Variants in ASPH observed in about 807,000 individuals in gnomAD.
ASPH encodes aspartyl/asparaginyl beta-hydroxylase.
In ASPH, 100 loss-of-function variants were observed where a neutral mutation model predicts 118.4. The ratio of observed to expected loss-of-function variants is 0.84; its 90% CI spans 0.72 to 1.00. The LOEUF is 1.00. ASPH is among the 50% of genes least tolerant of loss of function. The probability of loss-of-function intolerance (pLI) is 0.00; values close to 1 mark genes in which losing one functional copy is unlikely to be tolerated. For synonymous variants in ASPH, 315 were observed against 325.6 expected, an observed-to-expected ratio of 0.97 and a Z score of 0.35; for missense variants, 920 against 919.5, an observed-to-expected ratio of 1.00 and a Z score of -0.01.
chr8:61,603,962 A>G (rs547714286), intron 14 of ASPH, among the ~76,000 whole-genome samples: 1 of 152,386 alleles, frequency 6.6e-6, no homozygotes, highest in East Asian at 1.9e-4. Flanking sequence ...ATGGGAAAGT[A>G]TGTACATATA....
rs1826562887 is a variant in ASPH at position 61,553,026 on chromosome 8, A to G, written c.1626+5T>C. The G allele has an allele frequency of 4.4e-6, 7 of 1,602,732 alleles. No homozygotes were observed. The highest frequency in any genetic ancestry group is 6.0e-6 in the Non-Finnish European group (7 of 1,169,976). ...GAGAGAATCAGAAATTCATATACCC[A>G]TTACCTCTTTGTTCCCAACCCTCTG... On this transcript the variant is annotated splice_donor_5th_base_variant and intron_variant, in intron 20 of 24. Transcript: ENST00000379454.
At chr8:61,568,398 C>T (rs1038595746) in intron 16 of ASPH, among the ~76,000 whole-genome samples, 1 of 152,072 alleles carries the variant, frequency 6.6e-6, no homozygotes, top group Non-Finnish European at 1.5e-5. Context: ...AGAGAAAAAC[C>T]ATGAATGAAC....
At chr8:61,584,113 A>T in intron 14 of ASPH, 84 bp from the exon 15 acceptor site, 1 of 849,852 alleles carries the variant, frequency 1.2e-6, no homozygotes, top group African/African-American at 1.7e-5. Flanking sequence ...GTAGTGGGAA[A>T]CCTGATGCTG....
At chr8:61,519,758 G>A (rs1812283242) in intron 22 of ASPH, among the ~76,000 whole-genome samples, 1 of 152,158 alleles carries the variant, frequency 6.6e-6, no homozygotes. Context: ...AAGATGGAAG[G>A]GGGCCACAAG....
At chr8:61,568,700 A>C (rs1392005801) in intron 16 of ASPH, among the ~76,000 whole-genome samples, 2 of 152,318 alleles carry the variant, frequency 1.3e-5, no homozygotes, top group East Asian at 3.9e-4. Flanking sequence ...GACAGAGAAA[A>C]GAAGCGGTCC....
At chr8:61,554,678 A>T (rs1346928865) in intron 19 of ASPH, among the ~76,000 whole-genome samples, 5 of 152,150 alleles carry the variant, frequency 3.3e-5, no homozygotes, top group African/African-American at 9.7e-5. Context: ...CACAGTAGAA[A>T]ATTCTTTTTT....
At chr8:61,710,098 T>C (rs576662115) in intron 1 of ASPH, among the ~76,000 whole-genome samples, 1 of 152,350 alleles carries the variant, frequency 6.6e-6, no homozygotes, top group South Asian at 2.1e-4. Flanking sequence ...AGACGTACTT[T>C]AACGGAAACA....
At position 61,518,134 on chromosome 8, in the gene ASPH, T is replaced by TGTTGGAAATTTCC; in HGVS notation, c.1901-12_1901-11insGGAAATTTCCAAC. 1 of 1,607,192 alleles carries TGTTGGAAATTTCC rather than the reference T, an allele frequency of 6.2e-7. No individual in the cohort carries two copies. Among genetic ancestry groups the TGTTGGAAATTTCC allele is most frequent in the South Asian group, 1.1e-5 (1 of 90,904 alleles). ...TTTCATTTCTTCTTCCTAGAATAAATAACATAATTGTTGGAAACAAATCAC... is the reference window on the plus strand; with the variant it reads ...TTTCATTTCTTCTTCCTAGAATAAATGTTGGAAATTTCCAACATAATTGTTGGAAACAAATCAC... On this transcript the variant is annotated splice_polypyrimidine_tract_variant and intron_variant, in intron 22 of 24. Coordinates refer to ENST00000379454, the MANE Select transcript of ASPH (RefSeq NM_004318.4).
intron 15 of ASPH, among the ~76,000 whole-genome samples, chr8:61,582,681 T>C (rs1318631094): frequency 1.3e-5 from 2 of 152,232 alleles, no homozygotes; most frequent in African/African-American, 4.8e-5. Flanking sequence ...TTTATGCTCA[T>C]TGGTACACTT....
intron 1 of ASPH, among the ~76,000 whole-genome samples, chr8:61,693,361 G>A (rs763788228): frequency 1.3e-5 from 2 of 152,116 alleles, no homozygotes; most frequent in African/African-American, 2.4e-5. Flanking sequence ...CCGTAACCCT[G>A]CTAAGAAGGC....
At chr8:61,628,535 T>C (rs972892268) in intron 13 of ASPH, among the ~76,000 whole-genome samples, 18 of 152,018 alleles carry the variant, frequency 1.2e-4, no homozygotes, top group Admixed American at 8.5e-4. Context: ...ATTTCCCCTG[T>C]CCTCTTTCAC....
intron 3 of ASPH, chr8:61,664,961 A>G (rs1818793834): frequency 8.8e-7 from 1 of 1,137,270 alleles, no homozygotes; most frequent in Admixed American, 4.7e-5. Context: ...AAAGTATTCA[A>G]TATATTAATC....
At chr8:61,626,250 G>A in intron 13 of ASPH, 2 of 1,556,934 alleles carry the variant, frequency 1.3e-6, no homozygotes, top group Middle Eastern at 1.7e-4. Context: ...TCCTGTGGTG[G>A]TAGGGGCAGT....
chr8:61,596,089 C>T (rs1243537114), intron 14 of ASPH, among the ~76,000 whole-genome samples: 2 of 152,114 alleles, frequency 1.3e-5, no homozygotes, highest in Non-Finnish European at 2.9e-5. Flanking sequence ...CCTGGTACCA[C>T]TCCTGCTACT....
intron 16 of ASPH, among the ~76,000 whole-genome samples, chr8:61,573,695 C>A (rs1243437890): frequency 6.6e-6 from 1 of 151,826 alleles, no homozygotes; most frequent in Non-Finnish European, 1.5e-5. Context: ...TTTCCTTATA[C>A]CTTATACAAA....
rs747298771 is a variant in ASPH, at chr8:61,526,074, G to A, written c.1803C>T (p.Gly601=). The part of the protein sequence containing the change: ...ERNWKLIRDE[G]LAVMDKAKGL... ...CTTTGGCTTTATCCATCACTGCAAG[G>A]CCTTCATCTCGGATTAACTTCCAGT... is the stretch of plus-strand genomic sequence containing the variant. The change falls in exon 22 of 25, where the codon GGC becomes GGT. Residue 601 remains glycine (G), a synonymous_variant. Coordinates refer to ENST00000379454, the MANE Select transcript of ASPH (RefSeq NM_004318.4). 22 of 1,613,884 alleles carry A rather than the reference G, an allele frequency of 1.4e-5. No homozygotes were observed. The highest frequency in any genetic ancestry group is 8.5e-7 in the Non-Finnish European group (1 of 1,179,928).
At chr8:61,713,676 G>A (rs1838633019) in intron 1 of ASPH, among the ~76,000 whole-genome samples, 1 of 152,282 alleles carries the variant, frequency 6.6e-6, no homozygotes, top group East Asian at 1.9e-4. Context: ...ACAGACGCTC[G>A]TTCAGTATTT....
chr8:61,550,626 T>C (rs1332826143), intron 20 of ASPH, among the ~76,000 whole-genome samples: 6 of 152,180 alleles, frequency 3.9e-5, no homozygotes, highest in Non-Finnish European at 8.8e-5. Flanking sequence ...CAGTGAGGCC[T>C]GAGAGACACA....
intron 21 of ASPH, among the ~76,000 whole-genome samples, chr8:61,539,043 A>G (rs918137884): frequency 6.6e-6 from 1 of 152,084 alleles, no homozygotes; most frequent in African/African-American, 2.4e-5. Context: ...GGAGTTTGAG[A>G]CCAGCTTGGC....
Sources: allele counts gnomAD v4.1 joint callset (sites outside exome capture counted in the v4.1 genomes callset), GRCh38; gene constraint gnomAD v4.1.1; transcripts MANE v1.5; gene names NCBI Gene and HGNC (gene_info 2026-07-23, HGNC 2026-07-21).